The following HS6ST3 variants were observed in gnomAD, a reference collection of about 807,000 sequenced individuals.
HS6ST3 encodes the protein heparan sulfate 6-O-sulfotransferase 3.
Under a neutral mutation model 36.7 loss-of-function variants are expected in HS6ST3, and 12 were observed. The observed-to-expected ratio is 0.33, with a 90% CI of 0.21 to 0.53. The LOEUF (loss-of-function observed/expected upper bound fraction) is 0.53. Ranked by LOEUF, HS6ST3 falls within the 20% of genes least tolerant of loss-of-function variation. The probability of loss-of-function intolerance (pLI) is 0.95; values close to 1 mark genes in which losing one functional copy is unlikely to be tolerated. For missense variants in HS6ST3, 584 were observed against 640.9 expected (o/e 0.91, Z 0.96); for synonymous variants, 240 against 257.5 (o/e 0.93, Z 0.65).
At chr13:96,207,048 C>T (rs1019692956) in intron 1 of HS6ST3, among the ~76,000 whole-genome samples, 1 of 152,030 alleles carries the variant, frequency 6.6e-6, no homozygotes, top group Non-Finnish European at 1.5e-5. Flanking sequence ...AAGATTTTTG[C>T]AATCTATCCA....
chr13:96,125,817 A>G (rs2053948006), intron 1 of HS6ST3, among the ~76,000 whole-genome samples: 1 of 151,094 alleles, frequency 6.6e-6, no homozygotes, highest in Admixed American at 6.6e-5. Context: ...TTTAGGGTAC[A>G]TGTGCACAAT....
At chr13:96,105,940 GA>G (rs771344430) in intron 1 of HS6ST3, among the ~76,000 whole-genome samples, 3 of 152,122 alleles carry the variant, frequency 2.0e-5, no homozygotes, top group Non-Finnish European at 4.4e-5. Flanking sequence ...ATTGTAATCA[GA>G]ACTATTTATA....
chr13:96,126,975 C>T (rs187852566), intron 1 of HS6ST3, among the ~76,000 whole-genome samples: 2 of 152,128 alleles, frequency 1.3e-5, no homozygotes, highest in Non-Finnish European at 2.9e-5. Flanking sequence ...AAAGGTGATC[C>T]CTACTTCTTC....
chr13:96,801,894 A>C (rs1455713666), intron 1 of HS6ST3, among the ~76,000 whole-genome samples: 1 of 152,128 alleles, frequency 6.6e-6, no homozygotes, highest in Non-Finnish European at 1.5e-5. Context: ...TCACATGAAC[A>C]GAACTCTAGA....
intron 1 of HS6ST3, among the ~76,000 whole-genome samples, chr13:96,479,496 C>T (rs1479321390): frequency 1.3e-5 from 2 of 152,124 alleles, no homozygotes; most frequent in African/African-American, 4.8e-5. Context: ...AATGATGACT[C>T]TGGCTGTACA....
chr13:96,403,317 T>A (rs2055460937), intron 1 of HS6ST3, among the ~76,000 whole-genome samples: 1 of 152,220 alleles, frequency 6.6e-6, no homozygotes, highest in Non-Finnish European at 1.5e-5. Flanking sequence ...TTATGACATA[T>A]GATTCCATTT....
At chr13:96,388,401 AT>A (rs1386560657) in intron 1 of HS6ST3, among the ~76,000 whole-genome samples, 2 of 152,222 alleles carry the variant, frequency 1.3e-5, no homozygotes, top group African/African-American at 4.8e-5. Context: ...TGCTAAGGCA[AT>A]ATTAATGTAC....
At chr13:96,292,752 A>G (rs186442387) in intron 1 of HS6ST3, among the ~76,000 whole-genome samples, 5 of 152,256 alleles carry the variant, frequency 3.3e-5, no homozygotes. Context: ...TAGCAAGATT[A>G]TTAGAATAAC....
At chr13:96,142,457 C>T (rs1158580850) in intron 1 of HS6ST3, among the ~76,000 whole-genome samples, 1 of 152,128 alleles carries the variant, frequency 6.6e-6, no homozygotes, top group African/African-American at 2.4e-5. Context: ...TGAAAAGAAT[C>T]TGGTACCGAG....
chr13:96,598,802 C>T (rs1303233874), intron 1 of HS6ST3, among the ~76,000 whole-genome samples: 5 of 152,076 alleles, frequency 3.3e-5, no homozygotes, highest in Admixed American at 3.3e-4. Flanking sequence ...ATGATATTAA[C>T]TTTGGGTTTG....
At chr13:96,246,681 A>G (rs1263940120) in intron 1 of HS6ST3, among the ~76,000 whole-genome samples, 5 of 152,168 alleles carry the variant, frequency 3.3e-5, no homozygotes, top group Admixed American at 6.6e-5. Flanking sequence ...GGTAACATCA[A>G]TCTGCCCTTT....
intron 1 of HS6ST3, among the ~76,000 whole-genome samples, chr13:96,542,362 C>T (rs1269726239): frequency 6.6e-6 from 1 of 152,094 alleles, no homozygotes; most frequent in Non-Finnish European, 1.5e-5. Context: ...CACTTGGGCT[C>T]CTTTCATTAA....
At chr13:96,164,768 G>A (rs1348287210) in intron 1 of HS6ST3, among the ~76,000 whole-genome samples, 1 of 152,140 alleles carries the variant, frequency 6.6e-6, no homozygotes, top group Non-Finnish European at 1.5e-5. Context: ...ACTGAAACCT[G>A]TGGGTTTCCT....
chr13:96,821,018 C>G (rs1229387391), intron 1 of HS6ST3, among the ~76,000 whole-genome samples: 1 of 152,206 alleles, frequency 6.6e-6, no homozygotes, highest in East Asian at 1.9e-4. Flanking sequence ...CTTTTGGCTT[C>G]TAGATTCTTT....
At chr13:96,809,471 C>T (rs1446219467) in intron 1 of HS6ST3, among the ~76,000 whole-genome samples, 1 of 152,148 alleles carries the variant, frequency 6.6e-6, no homozygotes, top group African/African-American at 2.4e-5. Context: ...TTAAGAATGG[C>T]CAGGCGACAT....
At chr13:96,464,989 C>T (rs868810698) in intron 1 of HS6ST3, among the ~76,000 whole-genome samples, 28 of 106,986 alleles carry the variant, frequency 2.6e-4, no homozygotes, top group East Asian at 9.0e-4. Flanking sequence ...TGTGTGTGTG[C>T]ATGCCCACAC....
rs550540161 is a variant in HS6ST3 at position 96,125,966 on chromosome 13, T to A, written c.707+34397T>A. On this transcript the variant is annotated intron_variant, in intron 1 of 1. Transcript: ENST00000376705. ...CCACAACAGTCCCCAGAGTGTGATGTTCCCCTTCCTATAATTGACTCTTGA... is the reference window on the plus strand; with the variant it reads ...CCACAACAGTCCCCAGAGTGTGATGATCCCCTTCCTATAATTGACTCTTGA... Among the ~76,000 whole-genome samples, 8 of 152,090 alleles carry A rather than the reference T, an allele frequency of 5.3e-5. No homozygotes were observed. The East Asian group carries it at 1.4e-3, about 26-fold the overall frequency.
chr13:96,519,538 G>A (rs2056085415), intron 1 of HS6ST3, among the ~76,000 whole-genome samples: 1 of 152,228 alleles, frequency 6.6e-6, no homozygotes, highest in African/African-American at 2.4e-5. Context: ...AGGGCTGGAA[G>A]TGAGCTGGCC....
intron 1 of HS6ST3, among the ~76,000 whole-genome samples, chr13:96,752,295 G>A (rs906462764): frequency 6.6e-5 from 10 of 151,748 alleles, no homozygotes; most frequent in South Asian, 4.2e-4. Flanking sequence ...AGTACTTGCC[G>A]TTTACAATCA....
Sources: allele counts gnomAD v4.1 joint callset (sites outside exome capture counted in the v4.1 genomes callset), GRCh38; gene constraint gnomAD v4.1.1; transcripts MANE v1.5; gene names NCBI Gene and HGNC (gene_info 2026-07-23, HGNC 2026-07-21).